DMTN: variants seen among roughly 807,000 people sequenced by gnomAD.
DMTN encodes the protein dematin actin binding protein.
DMTN carries 27 observed loss-of-function variants against 59.4 expected under a neutral mutation model. The observed-to-expected ratio is 0.45, with a 90% CI of 0.33 to 0.63. DMTN has a LOEUF of 0.63. Among genes scored for constraint, DMTN ranks in the 20% least tolerant of loss-of-function variants. The pLI is 0.02. For synonymous variants in DMTN, 221 were observed against 203.7 expected (o/e 1.08, Z -0.72); for missense variants, 451 against 528.9 (o/e 0.85, Z 1.45).
intron 8 of DMTN, 96 bp downstream of exon 8, chr8:22,070,430 C>G: frequency 6.9e-7 from 1 of 1,446,066 alleles, no homozygotes; most frequent in Non-Finnish European, 9.2e-7. Flanking sequence ...ACTCCCACCC[C>G]TGCCCTATGG....
chr8:22,070,155 C>T (rs1337348691), intron 7 of DMTN, 27 bp from the exon 8 acceptor site: 2 of 1,563,896 alleles, frequency 1.3e-6, no homozygotes, highest in Admixed American at 3.6e-5. Flanking sequence ...CAGGGCACAC[C>T]TGGCTGACCC....
chr8:22,065,642 G>A (rs1347539488), intron 1 of DMTN, among the ~76,000 whole-genome samples: 2 of 151,912 alleles, frequency 1.3e-5, no homozygotes, highest in Non-Finnish European at 2.9e-5. Context: ...CAGGAGTTCA[G>A]GACCAGCCTG....
chr8:22,066,527 G>A, intron 1 of DMTN, 178 bp from the exon 2 acceptor site: 1 of 196,472 alleles, frequency 5.1e-6, no homozygotes, highest in African/African-American at 2.3e-5. Flanking sequence ...GAGAACAATG[G>A]CTCAAAAACA....
intron 1 of DMTN, among the ~76,000 whole-genome samples, chr8:22,059,976 T>G (rs1805149413): frequency 7.2e-6 from 1 of 138,290 alleles, no homozygotes; most frequent in Non-Finnish European, 1.6e-5. Context: ...GAGGAGAGGG[T>G]GGTGGGTGAG....
At position 22,080,789 on chromosome 8, in the gene DMTN, G is replaced by A; in HGVS notation, c.958-16G>A. 2 of 1,608,284 alleles carry A rather than the reference G, an allele frequency of 1.2e-6. No individual in the cohort carries two copies. Among genetic ancestry groups the A allele is most frequent in the Non-Finnish European group, 1.7e-6 (2 of 1,177,802 alleles). Reference sequence around the variant, plus strand: ...CCCTGCCCCGCTCTGGCTCACTGCGGCTTTGGTCTCCCCAGAACGGAGAGG... The same window carrying A: ...CCCTGCCCCGCTCTGGCTCACTGCGACTTTGGTCTCCCCAGAACGGAGAGG... On this transcript the variant is annotated splice_polypyrimidine_tract_variant and intron_variant, in intron 13 of 15. Transcript: ENST00000358242.
chr8:22,061,222 G>A (rs1305319778), intron 1 of DMTN, among the ~76,000 whole-genome samples: 1 of 150,718 alleles, frequency 6.6e-6, no homozygotes, highest in Non-Finnish European at 1.5e-5. Flanking sequence ...GGTCAAGGCT[G>A]CAGTGAGCTA....
At position 22,081,681 on chromosome 8, in the gene DMTN, T is replaced by C; in HGVS notation, c.*218T>C. 3.3e-6 allele frequency: 2 copies of C among 598,256 alleles called. No individual in the cohort carries two copies. 37.1% of individuals were successfully genotyped at this position (598,256 alleles called of 1,614,324 possible). ...TCCTGCTCTCGTCCCTGGCCCTCCC[T>C]GCACAGGGCAAAGCCAGTCTGGGCT... On this transcript the variant is annotated 3_prime_UTR_variant, in exon 16 of 16. Transcript: ENST00000358242.
At chr8:22,070,002 G>A (rs908661605) in intron 7 of DMTN, 65 bp downstream of exon 7, 1 of 1,602,298 alleles carries the variant, frequency 6.2e-7, no homozygotes, top group African/African-American at 1.3e-5. Flanking sequence ...GTGCCCTGGG[G>A]CTGCGGGCTG....
rs1323473648 is a variant in DMTN at position 22,067,519 on chromosome 8, C to T, written c.94-8C>T. On this transcript the variant is annotated splice_polypyrimidine_tract_variant and splice_region_variant and intron_variant, in intron 3 of 15. Coordinates refer to ENST00000358242, the MANE Select transcript of DMTN (RefSeq NM_001387751.1). ...GCACAGCAGTTTCACGCGCACCTTT[C>T]CCTTCAGGCCAAGATGGACAATCAG... 2 of 1,614,016 alleles carry T rather than the reference C, an allele frequency of 1.2e-6. No individual in the cohort carries two copies. Among genetic ancestry groups the T allele is most frequent in the African/African-American group, 1.3e-5 (1 of 74,952 alleles).
intron 13 of DMTN, 75 bp from the exon 14 acceptor site, chr8:22,080,727 TGAA>T (rs1823664978): frequency 3.8e-6 from 6 of 1,583,928 alleles, no homozygotes; most frequent in South Asian, 2.3e-5. Context: ...AGTTGCCTGG[TGAA>T]GAAGAAGAAG....
At position 22,066,844 on chromosome 8, in the gene DMTN, GC is replaced by G; in HGVS notation, c.-31del. 1.4e-6 allele frequency: 2 copies of G among 1,417,234 alleles called. No individual in the cohort carries two copies. Among genetic ancestry groups the G allele is most frequent in the Non-Finnish European group, 1.8e-6 (2 of 1,082,908 alleles). The allele number at this position is 1,417,234 out of a possible 1,614,324, so 87.8% of individuals were successfully genotyped here. On this transcript the variant is annotated 5_prime_UTR_variant, in exon 2 of 16. Transcript: ENST00000358242. ...CCTCTCCCCTCGCGCACAGGGCTCT[GC>G]GAGTGACCCGGCGGGCGAGCTCCGT...
chr8:22,081,526 G>A lies in DMTN; in HGVS notation c.*63G>A. ...GCTGCTTCAGGGTTTTTCCCCGGCG[G>A]GTTGGGAGGGGCAGGAGGTGGGGTG... On this transcript the variant is annotated 3_prime_UTR_variant, in exon 16 of 16. Transcript: ENST00000358242. The A allele has an allele frequency of 6.8e-7, 1 of 1,466,370 alleles. No individual in the cohort carries two copies. 90.8% of individuals were successfully genotyped at this position (1,466,370 alleles called of 1,614,324 possible).
chr8:22,079,525 C>T (rs186912415), intron 10 of DMTN, among the ~76,000 whole-genome samples: 1 of 152,050 alleles, frequency 6.6e-6, no homozygotes, highest in East Asian at 1.9e-4. Context: ...AGCTCCAGTA[C>T]TTGGGAGGCA....
intron 1 of DMTN, among the ~76,000 whole-genome samples, chr8:22,062,682 A>G (rs1021558353): frequency 1.2e-4 from 16 of 132,614 alleles, no homozygotes; most frequent in African/African-American, 3.5e-4. Context: ...CACCCCCCCA[A>G]TCCCTAACCA....
In DMTN at chr8:22,081,608, C is replaced by T. The variant is rs1375705315; in HGVS notation, c.*145C>T. On this transcript the variant is annotated 3_prime_UTR_variant, in exon 16 of 16. Coordinates refer to ENST00000358242, the MANE Select transcript of DMTN (RefSeq NM_001387751.1). ...GTGGGGGGCCAAAACCTCTGCAGTC[C>T]CCGGCAGTGAGCTATGGACTTTCTT... is the stretch of plus-strand genomic sequence containing the variant. 9 of 670,178 alleles carry T rather than the reference C, an allele frequency of 1.3e-5. No homozygotes were observed. 41.5% of individuals were successfully genotyped at this position (670,178 alleles called of 1,614,324 possible). A position where few individuals can be genotyped will look rare whatever the true frequency, so the allele number is the denominator to read the frequency against.
Position 22,081,805 on chromosome 8 carries a change from T to C in DMTN, c.*342T>C. 1 of 490,302 alleles carries C rather than the reference T, an allele frequency of 2.0e-6. No homozygotes were observed. Among genetic ancestry groups the C allele is most frequent in the Non-Finnish European group, 4.0e-6 (1 of 249,620 alleles). The allele number at this position is 490,302 out of a possible 1,614,324, so 30.4% of individuals were successfully genotyped here. On this transcript the variant is annotated 3_prime_UTR_variant, in exon 16 of 16. Coordinates refer to ENST00000358242, the MANE Select transcript of DMTN (RefSeq NM_001387751.1). ...TGGTGGTTAGGCCGGTTGGCTGTCT[T>C]GAACAGCTGGAGGGAAGATGCAGGG...
At chr8:22,069,212 A>G (rs1482623896) in intron 5 of DMTN, 152 bp downstream of exon 5, 3 of 991,968 alleles carry the variant, frequency 3.0e-6, no homozygotes, top group Non-Finnish European at 4.4e-6. Context: ...TGTGTCCATC[A>G]TTCTGTCGGA....
At chr8:22,071,415 C>T (rs1486824670) in intron 8 of DMTN, among the ~76,000 whole-genome samples, 1 of 150,840 alleles carries the variant, frequency 6.6e-6, no homozygotes, top group African/African-American at 2.4e-5. Flanking sequence ...AATGTTGAGA[C>T]AGGAAGTCTT....
At chr8:22,072,050 C>T (rs1251821269) in intron 8 of DMTN, among the ~76,000 whole-genome samples, 1 of 152,014 alleles carries the variant, frequency 6.6e-6, no homozygotes. Flanking sequence ...TGCCCTACCA[C>T]CCCGGGCTAA....
Sources: gnomAD v4.1 joint callset for allele counts (sites outside exome capture counted in the v4.1 genomes callset) on GRCh38, gnomAD v4.1.1 for gene constraint, MANE v1.5 for transcripts, NCBI Gene and HGNC (gene_info 2026-07-23, HGNC 2026-07-21) for gene names.